ADAMTSL1: variants seen among roughly 807,000 people sequenced by gnomAD.
ADAMTSL1 encodes ADAMTS-like protein 1.
Under a neutral mutation model 201.8 loss-of-function variants are expected in ADAMTSL1, and 126 were observed. The observed-to-expected ratio is 0.62, with a 90% confidence interval of 0.54 to 0.72. ADAMTSL1 has a LOEUF of 0.72. ADAMTSL1 is among the 30% of genes least tolerant of loss of function. The pLI is 0.00. For missense variants in ADAMTSL1, 2,679 were observed against 2,277.8 expected (o/e 1.18, Z -3.59); for synonymous variants, 1,121 against 903.4 (o/e 1.24, Z -4.32).
chr9:18,442,097 C>T (rs988214116), intron 2 of ADAMTSL1, among the ~76,000 whole-genome samples: 2 of 152,142 alleles, frequency 1.3e-5, no homozygotes, highest in South Asian at 4.1e-4. Flanking sequence ...TTAAAAGTTT[C>T]CTGTCCTTTA....
intron 1 of ADAMTSL1, among the ~76,000 whole-genome samples, chr9:18,478,102 T>C (rs1372705297): frequency 6.6e-6 from 1 of 152,170 alleles, no homozygotes; most frequent in Admixed American, 6.5e-5. Context: ...AGCAGTCTTC[T>C]AACACACCAT....
chr9:18,260,112 T>A (rs13301672), intron 2 of ADAMTSL1, among the ~76,000 whole-genome samples: 7,064 of 152,270 alleles, frequency 0.046, 250 homozygotes, highest in Non-Finnish European at 0.075. Flanking sequence ...GTATTGTTTA[T>A]CCTTGGGAAA....
At chr9:18,007,945 C>T (rs1819897887) in intron 1 of ADAMTSL1, among the ~76,000 whole-genome samples, 1 of 151,938 alleles carries the variant, frequency 6.6e-6, no homozygotes, top group Non-Finnish European at 1.5e-5. Flanking sequence ...GGCCTCAGAC[C>T]ATCTGACACA....
intron 11 of ADAMTSL1, chr9:18,680,861 C>G: frequency 3.4e-6 from 1 of 293,810 alleles, no homozygotes. Flanking sequence ...GCTCAGTAGA[C>G]CAGAAGTTTG....
intron 1 of ADAMTSL1, among the ~76,000 whole-genome samples, chr9:18,062,745 G>A (rs578249434): frequency 6.6e-6 from 1 of 152,156 alleles, no homozygotes; most frequent in African/African-American, 2.4e-5. Context: ...TTTAATGATG[G>A]CAGTGAGAAA....
At chr9:18,134,074 G>A (rs115729234) in intron 1 of ADAMTSL1, among the ~76,000 whole-genome samples, 373 of 152,256 alleles carry the variant, frequency 2.4e-3, no homozygotes, top group African/African-American at 8.5e-3. Context: ...ACATTTGTAA[G>A]CCATTATTTG....
In ADAMTSL1 at chr9:17,955,493, T is replaced by G. The variant is rs1316322835; in HGVS notation, c.87+48571T>G. The stretch of plus-strand genomic sequence containing the variant: ...ATCCACTGTTTCACTTTCAGCAGTT[T>G]CAGTCACCCACGGTCAGCTTTGGTC... On this transcript the variant is annotated intron_variant, in intron 1 of 29. Coordinates refer to the ADAMTSL1 transcript ENST00000680146. 7.2e-5 allele frequency among the ~76,000 whole-genome samples: 11 copies of G among 152,242 alleles called. No individual in the cohort carries two copies. In the East Asian group the frequency reaches 2.1e-3, roughly 29 times the overall value.
chr9:18,223,439 T>C (rs1830335803), intron 2 of ADAMTSL1, among the ~76,000 whole-genome samples: 1 of 152,140 alleles, frequency 6.6e-6, no homozygotes, highest in Admixed American at 6.5e-5. Flanking sequence ...TTTTTCATTT[T>C]ATTTTCTTTA....
chr9:18,339,233 G>A (rs540361031), intron 2 of ADAMTSL1, among the ~76,000 whole-genome samples: 4 of 152,038 alleles, frequency 2.6e-5, no homozygotes, highest in East Asian at 1.9e-4. Context: ...ATATCCAGAC[G>A]CTATAAGGAA....
intron 1 of ADAMTSL1, among the ~76,000 whole-genome samples, chr9:18,071,141 G>T (rs891428498): frequency 1.3e-5 from 2 of 152,344 alleles, no homozygotes; most frequent in Non-Finnish European, 2.9e-5. Flanking sequence ...TTTGAGATGA[G>T]CATTCTGTGA....
At chr9:18,018,552 G>A (rs1820352340) in intron 1 of ADAMTSL1, among the ~76,000 whole-genome samples, 1 of 152,036 alleles carries the variant, frequency 6.6e-6, no homozygotes, top group African/African-American at 2.4e-5. Context: ...CTCACCCTTT[G>A]ATTGATCACT....
rs1269210945 is a variant in ADAMTSL1 at position 17,910,308 on chromosome 9, C to T, written c.87+3386C>T. Among the ~76,000 whole-genome samples the T allele has an allele frequency of 2.9e-5, 2 of 68,990 alleles. 1 individual carries two copies. The highest frequency in any genetic ancestry group is 8.9e-5 in the Non-Finnish European group (2 of 22,546). 45.3% of individuals were successfully genotyped at this position (68,990 alleles called of 152,430 possible). On this transcript the variant is annotated intron_variant, in intron 1 of 29. Transcript: ENST00000680146. ...TATCATTGATAATTTGCTACAATAC[C>T]TGCTCATATTTGGATCCAGCAAAGA...
At chr9:18,526,345 A>G (rs918676138) in intron 2 of ADAMTSL1, among the ~76,000 whole-genome samples, 3 of 152,132 alleles carry the variant, frequency 2.0e-5, no homozygotes, top group Admixed American at 2.0e-4. Context: ...TGCACATGAG[A>G]TGGGTCTCCT....
chr9:18,872,157 CTTCT>C (rs940402781), intron 23 of ADAMTSL1, among the ~76,000 whole-genome samples: 3 of 89,806 alleles, frequency 3.3e-5, no homozygotes, highest in Non-Finnish European at 6.7e-5. Flanking sequence ...CCTAAATAAC[CTTCT>C]TTTTTTTTTA....
intron 4 of ADAMTSL1, among the ~76,000 whole-genome samples, chr9:18,602,692 T>C (rs533658044): frequency 6.6e-6 from 1 of 152,296 alleles, no homozygotes; most frequent in Admixed American, 6.5e-5. Context: ...ATTCTCCCTC[T>C]CAAACAAATC....
chr9:18,021,364 A>C (rs1820474752), intron 1 of ADAMTSL1, among the ~76,000 whole-genome samples: 1 of 152,182 alleles, frequency 6.6e-6, no homozygotes, highest in Non-Finnish European at 1.5e-5. Context: ...CCTTAACAGA[A>C]TAGGTTAAGG....
chr9:18,002,081 T>C (rs1043784354), intron 1 of ADAMTSL1, among the ~76,000 whole-genome samples: 2 of 151,880 alleles, frequency 1.3e-5, no homozygotes, highest in Non-Finnish European at 2.9e-5. Flanking sequence ...GAGGGAAAGA[T>C]TGAAGACACA....
chr9:18,198,348 C>A lies in ADAMTSL1; in HGVS notation c.207+34367C>A, dbSNP rs918439910. Among the ~76,000 whole-genome samples, 6 of 145,372 alleles carry A rather than the reference C, an allele frequency of 4.1e-5. No homozygotes were observed. In the East Asian group the frequency reaches 1.0e-3, roughly 25 times the overall value. Reference sequence around the variant, plus strand: ...CCTACAAAATGGGAGAAAATTTTCGCAACCTACTCATCTGACAAAGGGCTA... The same window carrying A: ...CCTACAAAATGGGAGAAAATTTTCGAAACCTACTCATCTGACAAAGGGCTA... On this transcript the variant is annotated intron_variant, in intron 2 of 29. Transcript: ENST00000680146.
intron 2 of ADAMTSL1, among the ~76,000 whole-genome samples, chr9:18,370,971 G>A (rs572214763): frequency 2.7e-4 from 41 of 152,156 alleles, no homozygotes; most frequent in African/African-American, 8.4e-4. Flanking sequence ...GTTACAAGAC[G>A]CTGCCTTGAA....
Sources: allele counts gnomAD v4.1 joint callset (sites outside exome capture counted in the v4.1 genomes callset), GRCh38; gene constraint gnomAD v4.1.1; transcripts MANE v1.5; gene names NCBI Gene and HGNC (gene_info 2026-07-23, HGNC 2026-07-21).